Variants in MAGI2 observed in about 807,000 individuals in gnomAD.
MAGI2 encodes the protein membrane associated guanylate kinase, WW and PDZ domain containing 2, also known as membrane-associated guanylate kinase, WW and PDZ domain-containing protein 2.
In MAGI2, 35 loss-of-function variants were observed where a neutral mutation model predicts 133.3. The ratio of observed to expected loss-of-function variants is 0.26; its 90% CI spans 0.20 to 0.35. The LOEUF (loss-of-function observed/expected upper bound fraction) is 0.35. MAGI2 is among the 10% of genes least tolerant of loss of function. The pLI is 1.00. For synonymous variants in MAGI2, 729 were observed against 710.6 expected, an observed-to-expected ratio of 1.03 and a Z score of -0.41; for missense variants, 1,636 against 1,863.4, an observed-to-expected ratio of 0.88 and a Z score of 2.25.
At chr7:78,145,327 C>G (rs1036157348) in intron 16 of MAGI2, among the ~76,000 whole-genome samples, 1 of 151,964 alleles carries the variant, frequency 6.6e-6, no homozygotes, top group African/African-American at 2.4e-5. Flanking sequence ...AGATTTTTCC[C>G]TGTACTTTTT....
At chr7:78,704,003 A>G (rs114961692) in intron 2 of MAGI2, among the ~76,000 whole-genome samples, 2,862 of 152,230 alleles carry the variant, frequency 0.019, 87 homozygotes, top group African/African-American at 0.064. Context: ...CACTGTGGAC[A>G]TAGGCCCTGG....
chr7:79,043,473 G>A (rs1019689963), intron 1 of MAGI2, among the ~76,000 whole-genome samples: 2 of 147,934 alleles, frequency 1.4e-5, no homozygotes, highest in African/African-American at 5.0e-5. Flanking sequence ...AATCCGGGAG[G>A]TGGAGGTTGC....
At chr7:79,157,850 G>GTTTTT (rs35889003) in intron 1 of MAGI2, among the ~76,000 whole-genome samples, 1 of 84,124 alleles carries the variant, frequency 1.2e-5, no homozygotes, top group Non-Finnish European at 2.6e-5. Flanking sequence ...TATCTAACAA[G>GTTTTT]TTTTTTTTTT....
chr7:78,779,342 A>G (rs1344960437), intron 2 of MAGI2, among the ~76,000 whole-genome samples: 1 of 152,180 alleles, frequency 6.6e-6, no homozygotes, highest in Non-Finnish European at 1.5e-5. Flanking sequence ...GGCTTTCACT[A>G]TTTAAGTAAG....
At chr7:78,751,201 A>G (rs1022922521) in intron 2 of MAGI2, among the ~76,000 whole-genome samples, 1 of 152,216 alleles carries the variant, frequency 6.6e-6, no homozygotes, top group African/African-American at 2.4e-5. Context: ...CTTTAATTTC[A>G]AGGCATCATT....
intron 2 of MAGI2, among the ~76,000 whole-genome samples, chr7:78,790,729 C>T (rs762635940): frequency 1.3e-4 from 20 of 151,988 alleles, no homozygotes; most frequent in Admixed American, 2.6e-4. Context: ...CCACCGTGCC[C>T]GGCCCTGTCA....
intron 1 of MAGI2, among the ~76,000 whole-genome samples, chr7:79,378,896 G>C: frequency 7.6e-6 from 1 of 130,892 alleles, no homozygotes; most frequent in Non-Finnish European, 1.6e-5. Context: ...AACTTTCCAA[G>C]TCTTCTTTTA....
chr7:78,369,264 TA>T, intron 6 of MAGI2, 51 bp from the exon 7 acceptor site: 1 of 1,233,478 alleles, frequency 8.1e-7, no homozygotes, highest in South Asian at 1.3e-5. Flanking sequence ...CAATTTCTAA[TA>T]AAAAGTAATA....
intron 21 of MAGI2, among the ~76,000 whole-genome samples, chr7:78,055,718 A>T (rs1013793641): frequency 1.3e-5 from 2 of 152,178 alleles, no homozygotes; most frequent in Non-Finnish European, 2.9e-5. Flanking sequence ...GCTGAACAAA[A>T]ACCTGATAAC....
At chr7:78,229,087 C>T (rs902069157) in intron 10 of MAGI2, among the ~76,000 whole-genome samples, 10 of 152,182 alleles carry the variant, frequency 6.6e-5, no homozygotes, top group Non-Finnish European at 2.9e-5. Context: ...GATCTATAGA[C>T]CATCATGACA....
intron 9 of MAGI2, among the ~76,000 whole-genome samples, chr7:78,257,105 A>G (rs1055837743): frequency 6.6e-5 from 10 of 152,260 alleles, no homozygotes; most frequent in South Asian, 4.2e-4. Context: ...GCAGGTAATT[A>G]CAAAGCTTCC....
At chr7:78,270,996 C>G (rs1473064149) in intron 9 of MAGI2, among the ~76,000 whole-genome samples, 2 of 152,010 alleles carry the variant, frequency 1.3e-5, no homozygotes, top group Non-Finnish European at 2.9e-5. Flanking sequence ...ACTTCCAACA[C>G]TATGTTGAAT....
At chr7:79,305,832 G>T (rs1431329552) in intron 1 of MAGI2, among the ~76,000 whole-genome samples, 1 of 151,958 alleles carries the variant, frequency 6.6e-6, no homozygotes, top group Admixed American at 6.6e-5. Flanking sequence ...AACACAGAAG[G>T]ATCCCATGAG....
intron 1 of MAGI2, among the ~76,000 whole-genome samples, chr7:79,229,976 T>C (rs1831217833): frequency 8.1e-6 from 1 of 124,182 alleles, no homozygotes; most frequent in South Asian, 2.8e-4. Flanking sequence ...CAGAGTGTGA[T>C]ATTCCCCTTC....
At chr7:78,492,689 C>T (rs763556062) in intron 5 of MAGI2, among the ~76,000 whole-genome samples, 12 of 152,114 alleles carry the variant, frequency 7.9e-5, no homozygotes, top group Non-Finnish European at 1.5e-4. Flanking sequence ...CCTTTCAGTT[C>T]CTAGCTAGGG....
chr7:79,422,030 C>T (rs1846993966), intron 1 of MAGI2, among the ~76,000 whole-genome samples: 1 of 151,948 alleles, frequency 6.6e-6, no homozygotes, highest in South Asian at 2.1e-4. Context: ...GCCAGCTGTG[C>T]TCAAATGCAG....
chr7:78,346,950 A>G (rs536058505), intron 7 of MAGI2, among the ~76,000 whole-genome samples: 1 of 152,344 alleles, frequency 6.6e-6, no homozygotes, highest in South Asian at 2.1e-4. Flanking sequence ...ACTCTTGGCC[A>G]GTTACTATGT....
chr7:79,244,412 T>C (rs906347477), intron 1 of MAGI2, among the ~76,000 whole-genome samples: 6 of 152,122 alleles, frequency 3.9e-5, no homozygotes, highest in African/African-American at 9.7e-5. Flanking sequence ...TCCTCCAGCA[T>C]TGGCCACCTG....
chr7:78,843,120 T>C (rs10242235), intron 2 of MAGI2, among the ~76,000 whole-genome samples: 13,358 of 151,898 alleles, frequency 0.088, 962 homozygotes, highest in African/African-American at 0.2. Flanking sequence ...TTGTGTGTTA[T>C]AGGATATTGA....
Sources: gnomAD v4.1 joint callset for allele counts (sites outside exome capture counted in the v4.1 genomes callset) on GRCh38, gnomAD v4.1.1 for gene constraint, MANE v1.5 for transcripts, NCBI Gene and HGNC (gene_info 2026-07-23, HGNC 2026-07-21) for gene names.